The following DYRK1A variants were observed in gnomAD, a reference collection of about 807,000 sequenced individuals.
The protein encoded by DYRK1A is dual specificity tyrosine-phosphorylation-regulated kinase 1A.
Under a neutral mutation model 79.7 loss-of-function variants are expected in DYRK1A, and 9 were observed. The ratio of observed to expected loss-of-function variants is 0.11; its 90% CI spans 0.07 to 0.20. DYRK1A has a LOEUF of 0.20. DYRK1A is among the 10% of genes least tolerant of loss of function. DYRK1A has a pLI of 1.00. For synonymous variants in DYRK1A, 349 were observed against 329.7 expected, an observed-to-expected ratio of 1.06 and a Z score of -0.63; for missense variants, 622 against 956.0, an observed-to-expected ratio of 0.65 and a Z score of 4.61.
chr21:37,405,398 G>A (rs2050129408), intron 1 of DYRK1A, among the ~76,000 whole-genome samples: 1 of 152,122 alleles, frequency 6.6e-6, no homozygotes, highest in Non-Finnish European at 1.5e-5. Flanking sequence ...TATAGGGAGC[G>A]AGTCAAGTCA....
intron 1 of DYRK1A, among the ~76,000 whole-genome samples, chr21:37,409,919 A>G (rs1269183650): frequency 6.6e-6 from 1 of 152,200 alleles, no homozygotes; most frequent in African/African-American, 2.4e-5. Flanking sequence ...TGTGTTGAAC[A>G]TTTATTATTT....
At chr21:37,415,629 A>G (rs2050322935) in intron 1 of DYRK1A, 1 of 150,922 alleles carries the variant, frequency 6.6e-6, no homozygotes, top group African/African-American at 2.4e-5. Context: ...ACACCCAACC[A>G]AGTTTTTTAT....
chr21:37,428,783 C>T (rs1055403506), intron 2 of DYRK1A: 2 of 152,136 alleles, frequency 1.3e-5, no homozygotes, highest in Non-Finnish European at 2.9e-5. Flanking sequence ...AAAAAGTTAT[C>T]ATTGCTTAAG....
chr21:37,488,485 A>C, intron 6 of DYRK1A: 1 of 827,786 alleles, frequency 1.2e-6, no homozygotes, highest in South Asian at 5.5e-5. Context: ...TGTGTAGCCA[A>C]ATTTCTTATC....
intron 11 of DYRK1A, among the ~76,000 whole-genome samples, chr21:37,508,591 T>C (rs574334456): frequency 3.4e-4 from 52 of 152,288 alleles, no homozygotes; most frequent in African/African-American, 1.3e-3. Context: ...CTGGCCTGTT[T>C]TCCTTACTTT....
At chr21:37,379,057 G>A (rs968095796) in intron 1 of DYRK1A, among the ~76,000 whole-genome samples, 4 of 152,106 alleles carry the variant, frequency 2.6e-5, no homozygotes, top group Non-Finnish European at 1.5e-5. Context: ...CATCAGATGA[G>A]GGAGAGAGGG....
At chr21:37,408,856 A>G (rs1248976320) in intron 1 of DYRK1A, among the ~76,000 whole-genome samples, 1 of 152,182 alleles carries the variant, frequency 6.6e-6, no homozygotes, top group African/African-American at 2.4e-5. Flanking sequence ...TGTAGTTGAG[A>G]CTATTAGCCT....
intron 9 of DYRK1A, among the ~76,000 whole-genome samples, chr21:37,497,554 G>A (rs961410953): frequency 6.6e-6 from 1 of 152,176 alleles, no homozygotes; most frequent in African/African-American, 2.4e-5. Context: ...GTTTGAATTA[G>A]CATGGAGAGG....
intron 1 of DYRK1A, among the ~76,000 whole-genome samples, chr21:37,404,967 C>T (rs968294018): frequency 2.0e-5 from 3 of 152,064 alleles, no homozygotes; most frequent in Admixed American, 6.6e-5. Context: ...AAGTATCCAG[C>T]GTCATGATTC....
At chr21:37,464,353 G>A in intron 2 of DYRK1A, 1 of 443,578 alleles carries the variant, frequency 2.3e-6, no homozygotes, top group Admixed American at 3.0e-5. Context: ...AAGTAAGAAA[G>A]CTGCTTCATT....
intron 2 of DYRK1A, among the ~76,000 whole-genome samples, chr21:37,439,139 T>G (rs2051014141): frequency 6.6e-6 from 1 of 152,220 alleles, no homozygotes; most frequent in Admixed American, 6.5e-5. Context: ...AAATATATCC[T>G]TGTATTCTGT....
intron 9 of DYRK1A, chr21:37,501,193 A>G (rs1308251408): frequency 2.7e-5 from 3 of 112,412 alleles, no homozygotes; most frequent in Admixed American, 9.9e-5. Flanking sequence ...TTTTTTTAAG[A>G]CGGAGTCTCG....
rs565815762 is a variant in DYRK1A at position 37,496,054 on chromosome 21, T to C, written c.1072-64T>C. The C allele has an allele frequency of 2.0e-4, 306 of 1,506,718 alleles. 2 individuals carry two copies. The African/African-American group carries it at 4.0e-3, about 20-fold the overall frequency. The allele number at this position is 1,506,718 out of a possible 1,614,324, so 93.3% of individuals were successfully genotyped here. On this transcript the variant is annotated intron_variant, in intron 8 of 11. Transcript: ENST00000647188. ...TGCAATTTATTTATGAATGAATGAC[T>C]TGATGAGCAGGAGTAGATGTACAGT...
intron 1 of DYRK1A, among the ~76,000 whole-genome samples, chr21:37,407,751 A>G (rs2050174301): frequency 1.3e-5 from 2 of 152,230 alleles, no homozygotes; most frequent in African/African-American, 2.4e-5. Context: ...AAAATCAAAT[A>G]TGACTTTGGG....
intron 1 of DYRK1A, among the ~76,000 whole-genome samples, chr21:37,416,389 G>A (rs1313987555): frequency 1.4e-5 from 2 of 139,584 alleles, no homozygotes; most frequent in Non-Finnish European, 3.0e-5. Flanking sequence ...AATGTTCTGG[G>A]TTTTTAGGAT....
At chr21:37,378,953 G>A (rs1357048733) in intron 1 of DYRK1A, among the ~76,000 whole-genome samples, 1 of 152,148 alleles carries the variant, frequency 6.6e-6, no homozygotes, top group African/African-American at 2.4e-5. Context: ...GGAACCTGAG[G>A]ACTTGACAGT....
intron 2 of DYRK1A, among the ~76,000 whole-genome samples, chr21:37,423,042 A>G (rs2050519166): frequency 6.6e-6 from 1 of 152,186 alleles, no homozygotes; most frequent in Admixed American, 6.6e-5. Context: ...TGTACCAGGT[A>G]CTATTATAGG....
At chr21:37,389,733 A>G (rs2049833755) in intron 1 of DYRK1A, among the ~76,000 whole-genome samples, 1 of 151,284 alleles carries the variant, frequency 6.6e-6, no homozygotes, top group South Asian at 2.1e-4. Context: ...GAGGCTTAGT[A>G]GGCGGATTGG....
rs1325143170 is a variant in DYRK1A, at chr21:37,496,669, G to A, written c.1212+411G>A. ...TGATTTTTTTTTTTTAAGTTCAGTT[G>A]GTAAATTATGTCAGAAGATGATTTT... On this transcript the variant is annotated intron_variant, in intron 9 of 11. Coordinates refer to ENST00000647188, the MANE Select transcript of DYRK1A (RefSeq NM_001347721.2). Among the ~76,000 whole-genome samples, 3 of 151,934 alleles carry A rather than the reference G, an allele frequency of 2.0e-5. No individual in the cohort carries two copies. The East Asian group carries it at 5.8e-4, about 29-fold the overall frequency.
Sources: allele counts gnomAD v4.1 joint callset (sites outside exome capture counted in the v4.1 genomes callset), GRCh38; gene constraint gnomAD v4.1.1; transcripts MANE v1.5; gene names NCBI Gene and HGNC (gene_info 2026-07-23, HGNC 2026-07-21).